The following SLC7A1 variants were observed in gnomAD, a reference collection of about 807,000 sequenced individuals.
The protein encoded by SLC7A1 is high affinity cationic amino acid transporter 1.
In SLC7A1, 10 loss-of-function variants were observed where a neutral mutation model predicts 53.9. The observed-to-expected ratio is 0.19, with a 90% CI of 0.11 to 0.31. The LOEUF is 0.31. Ranked by LOEUF, SLC7A1 falls within the 10% of genes least tolerant of loss-of-function variation. The pLI is 1.00. For missense variants in SLC7A1, 525 were observed against 827.2 expected (o/e 0.63, Z 4.48); for synonymous variants, 342 against 338.7 (o/e 1.01, Z -0.11).
At chr13:29,539,360 G>T (rs996786875) in intron 2 of SLC7A1, among the ~76,000 whole-genome samples, 2 of 152,172 alleles carry the variant, frequency 1.3e-5, no homozygotes, top group African/African-American at 4.8e-5. Flanking sequence ...TGACGTCCAT[G>T]GAGGTGCGCA....
At chr13:29,549,362 G>C (rs371579794) in intron 2 of SLC7A1, among the ~76,000 whole-genome samples, 3 of 152,160 alleles carry the variant, frequency 2.0e-5, no homozygotes, top group Non-Finnish European at 4.4e-5. Context: ...AGTGCCAGAG[G>C]GGGTGAAGGG....
intron 1 of SLC7A1, among the ~76,000 whole-genome samples, chr13:29,575,971 T>C (rs958100104): frequency 2.0e-5 from 3 of 152,126 alleles, no homozygotes; most frequent in Non-Finnish European, 4.4e-5. Context: ...CATGAACTCA[T>C]GGCTTGATAA....
At chr13:29,523,818 A>G (rs1053925086) in intron 6 of SLC7A1, among the ~76,000 whole-genome samples, 1 of 152,216 alleles carries the variant, frequency 6.6e-6, no homozygotes. Context: ...CCAGGATGAC[A>G]ATGTTGTGAA....
At chr13:29,584,309 C>A (rs1426569979) in intron 1 of SLC7A1, among the ~76,000 whole-genome samples, 1 of 152,042 alleles carries the variant, frequency 6.6e-6, no homozygotes, top group Non-Finnish European at 1.5e-5. Context: ...CCATGCCCAG[C>A]TAATTTTTTG....
intron 2 of SLC7A1, among the ~76,000 whole-genome samples, chr13:29,544,073 A>G (rs1288350752): frequency 6.6e-6 from 1 of 152,164 alleles, no homozygotes; most frequent in Non-Finnish European, 1.5e-5. Flanking sequence ...CCACCCACTC[A>G]CACCACGAAG....
Position 29,514,413 on chromosome 13 carries a change from GGTGCCT to G in SLC7A1, c.*61_*66del. 8.6e-7 allele frequency: 1 copy of G among 1,156,314 alleles called. No individual in the cohort carries two copies. Among genetic ancestry groups the G allele is most frequent in the Non-Finnish European group, 1.3e-6 (1 of 785,448 alleles). 71.6% of individuals were successfully genotyped at this position (1,156,314 alleles called of 1,614,324 possible). On this transcript the variant is annotated 3_prime_UTR_variant, in exon 13 of 13. Transcript: ENST00000380752. ...TCTGTTGCACTGGTGGGGAGGGTGG[GGTGCCT>G]CCCGGTCCTCTGGGGGCGTCCCTCG...
chr13:29,523,435 G>C lies in SLC7A1; in HGVS notation c.880C>G (p.Leu294Val). The change falls in exon 7 of 13, where the codon CTC becomes GTC. Residue 294 changes from leucine to valine, a missense_variant. Physicochemically the swap from Leu to Val is conservative, Grantham distance 32 (BLOSUM62 1). This residue lies in a region of SLC7A1 where 354 missense variants were observed against 587.5 expected (regional missense o/e 0.60). Coordinates refer to ENST00000380752, the MANE Select transcript of SLC7A1 (RefSeq NM_003045.5). The part of the protein sequence containing the change: ...KAIPVGIVAS[L>V]LICFIAYFGV... ...AAGTAGGCGATGAAGCAGATCAAGA[G>C]GGACGCCACGATCCCCACGGGGATG... The C allele has an allele frequency of 6.2e-7, 1 of 1,614,020 alleles. No homozygotes were observed. Among genetic ancestry groups the C allele is most frequent in the Non-Finnish European group, 8.5e-7 (1 of 1,180,036 alleles).
At position 29,520,297 on chromosome 13, in the gene SLC7A1, C is replaced by A. The variant is rs910264932; in HGVS notation, c.1190-748G>T. ...ACAGTCCCCAGCCTTCCTGAGTGTACCCCACCAAGACACAGGCATTAGTGG... is the reference window on the plus strand; with the variant it reads ...ACAGTCCCCAGCCTTCCTGAGTGTAACCCACCAAGACACAGGCATTAGTGG... On this transcript the variant is annotated intron_variant, in intron 8 of 12. Transcript: ENST00000380752. 3.9e-5 allele frequency among the ~76,000 whole-genome samples: 6 copies of A among 152,198 alleles called. No individual in the cohort carries two copies. In the South Asian group the frequency reaches 1.0e-3, roughly 26 times the overall value.
chr13:29,571,732 G>A (rs1029732701), intron 1 of SLC7A1, among the ~76,000 whole-genome samples: 1 of 152,188 alleles, frequency 6.6e-6, no homozygotes, highest in South Asian at 2.1e-4. Flanking sequence ...GTCCAGAGCC[G>A]CTTTCCTCCT....
At chr13:29,560,982 T>C (rs1428202550) in intron 1 of SLC7A1, among the ~76,000 whole-genome samples, 1 of 152,186 alleles carries the variant, frequency 6.6e-6, no homozygotes, top group Non-Finnish European at 1.5e-5. Flanking sequence ...TTATTAAACA[T>C]AATGCCCAAC....
chr13:29,549,565 G>A (rs567961569), intron 2 of SLC7A1, among the ~76,000 whole-genome samples: 13 of 152,252 alleles, frequency 8.5e-5, no homozygotes, highest in Non-Finnish European at 1.3e-4. Context: ...ATTCCAAACC[G>A]GGCATAATCA....
intron 3 of SLC7A1, 27 bp downstream of exon 3, chr13:29,535,792 C>T: frequency 6.3e-7 from 1 of 1,594,856 alleles, no homozygotes; most frequent in Non-Finnish European, 8.6e-7. Flanking sequence ...TGGTAGAGGG[C>T]ACGAGCTCCG....
rs144742714 is a variant in SLC7A1, at chr13:29,523,579, A to T, written c.827-91T>A. On this transcript the variant is annotated intron_variant, in intron 6 of 12. Coordinates refer to ENST00000380752, the MANE Select transcript of SLC7A1 (RefSeq NM_003045.5). ...ACCCAAGGCCTCTCAGTGCCCCGGAACCCACGTGACCCTACGAGAAACCTC... is the reference window on the plus strand; with the variant it reads ...ACCCAAGGCCTCTCAGTGCCCCGGATCCCACGTGACCCTACGAGAAACCTC... 9.3e-3 allele frequency: 8,606 copies of T among 920,912 alleles called. 49 individuals are homozygous for T. Among genetic ancestry groups the T allele is most frequent in the Non-Finnish European group, 0.011 (6,502 of 589,394 alleles). The allele number at this position is 920,912 out of a possible 1,614,324, so 57.0% of individuals were successfully genotyped here.
intron 1 of SLC7A1, among the ~76,000 whole-genome samples, chr13:29,565,608 T>C (rs2139158526): frequency 6.6e-6 from 1 of 152,310 alleles, no homozygotes; most frequent in Admixed American, 6.5e-5. Context: ...GTAAATCTGA[T>C]CCACATACCT....
chr13:29,567,038 C>T lies in SLC7A1; in HGVS notation c.-114-13178G>A, dbSNP rs115040597. 3.5e-3 allele frequency among the ~76,000 whole-genome samples: 526 copies of T among 152,288 alleles called. 4 individuals are homozygous for T. Among genetic ancestry groups the T allele is most frequent in the African/African-American group, 0.012 (492 of 41,558 alleles). On this transcript the variant is annotated intron_variant, in intron 1 of 12. Coordinates refer to ENST00000380752, the MANE Select transcript of SLC7A1 (RefSeq NM_003045.5). ...GCACAAGCTATTTATTACATGTAACCGTCATTCTGCTTTGAGAGTTTCACG... is the reference window on the plus strand; with the variant it reads ...GCACAAGCTATTTATTACATGTAACTGTCATTCTGCTTTGAGAGTTTCACG...
chr13:29,514,413 G>A lies in SLC7A1; in HGVS notation c.*67C>T. Reference sequence around the variant, plus strand: ...TCTGTTGCACTGGTGGGGAGGGTGGGGTGCCTCCCGGTCCTCTGGGGGCGT... The same window carrying A: ...TCTGTTGCACTGGTGGGGAGGGTGGAGTGCCTCCCGGTCCTCTGGGGGCGT... On this transcript the variant is annotated 3_prime_UTR_variant, in exon 13 of 13. Coordinates refer to ENST00000380752, the MANE Select transcript of SLC7A1 (RefSeq NM_003045.5). 8.6e-7 allele frequency: 1 copy of A among 1,156,314 alleles called. No individual in the cohort carries two copies. The highest frequency in any genetic ancestry group is 1.3e-6 in the Non-Finnish European group (1 of 785,448). The allele number at this position is 1,156,314 out of a possible 1,614,324, so 71.6% of individuals were successfully genotyped here. A position where few individuals can be genotyped will look rare whatever the true frequency, so the allele number is the denominator to read the frequency against.
chr13:29,526,447 G>A (rs151269389), intron 5 of SLC7A1, among the ~76,000 whole-genome samples: 34 of 152,242 alleles, frequency 2.2e-4, no homozygotes, highest in African/African-American at 7.2e-4. Flanking sequence ...ACCCCAGCCT[G>A]CGCAACTGCA....
chr13:29,592,386 T>C (rs1220881516), intron 1 of SLC7A1, among the ~76,000 whole-genome samples: 5 of 152,214 alleles, frequency 3.3e-5, no homozygotes, highest in African/African-American at 7.2e-5. Context: ...CCCAAGTTCC[T>C]GGGATGACCA....
At chr13:29,517,509 G>C in intron 10 of SLC7A1, 64 bp downstream of exon 10, 1 of 1,397,610 alleles carries the variant, frequency 7.2e-7, no homozygotes, top group Admixed American at 1.7e-5. Context: ...CCCAACTCCA[G>C]CTCCACTGCC....
Sources: gnomAD v4.1 joint callset for allele counts (sites outside exome capture counted in the v4.1 genomes callset) on GRCh38, gnomAD v4.1.1 for gene constraint, gnomAD v4.1.1 regional missense constraint, MANE v1.5 for transcripts, NCBI Gene and HGNC (gene_info 2026-07-23, HGNC 2026-07-21) for gene names.